The following UBA5 variants were observed in gnomAD, a reference collection of about 807,000 sequenced individuals.
UBA5 encodes the protein ubiquitin like modifier activating enzyme 5.
In UBA5, 28 loss-of-function variants were observed where a neutral mutation model predicts 52.9. The observed-to-expected ratio is 0.53, with a 90% CI of 0.39 to 0.73. The LOEUF is 0.73. Ranked by LOEUF, UBA5 falls within the 30% of genes least tolerant of loss-of-function variation. The pLI, the probability that UBA5 is intolerant of heterozygous loss-of-function variation, is 0.00. For missense variants in UBA5, 388 were observed against 492.7 expected (o/e 0.79, Z 2.01); for synonymous variants, 135 against 162.1 (o/e 0.83, Z 1.27).
At chr3:132,663,944 T>C (rs1327691144) in intron 1 of UBA5, among the ~76,000 whole-genome samples, 1 of 152,094 alleles carries the variant, frequency 6.6e-6, no homozygotes, top group Non-Finnish European at 1.5e-5. Flanking sequence ...AAAATCTTAA[T>C]AGAAGTGTTG....
At chr3:132,661,074 T>A (rs1481301356) in intron 1 of UBA5, 5 of 1,316,724 alleles carry the variant, frequency 3.8e-6, no homozygotes, top group Non-Finnish European at 5.0e-6. Flanking sequence ...CATTAAAGGC[T>A]TATCAATGCA....
In UBA5 at chr3:132,675,680, G is replaced by A. The variant is rs780197321; in HGVS notation, c.1024G>A (p.Gly342Ser). 2 of 1,603,968 alleles carry A rather than the reference G, an allele frequency of 1.2e-6. No individual in the cohort carries two copies. The highest frequency in any genetic ancestry group is 1.3e-5 in the African/African-American group (1 of 74,620). ...EEIIHEDNEW[G>S]IELVSEVSEE... is the part of the protein sequence containing the mutation. ...GATAATCCATGAAGATAATGAATGG[G>A]GTAGGTATTCTTTTATAAATTGAAA... is the stretch of plus-strand genomic sequence containing the variant. Residue 342 changes from glycine to serine, a missense_variant and splice_region_variant, in exon 10 of 12, where the codon GGT becomes AGT. Gly to Ser is a moderately conservative substitution (Grantham distance 56). This residue lies in a region of UBA5 where 277 missense variants were observed against 326.4 expected (regional missense o/e 0.85). Coordinates refer to ENST00000356232, the MANE Select transcript of UBA5 (RefSeq NM_024818.6).
rs1444209036 is a variant in UBA5, at chr3:132,660,621, G to A, written c.84G>A (p.Pro28=). The change falls in exon 1 of 12, where the codon CCG becomes CCA. Residue 28 remains proline (P), a synonymous_variant. Transcript: ENST00000356232. The surrounding 1 kb of genome is among the most constrained non-coding windows in gnomAD (Gnocchi z 4.1). ...ELAQERSLQV[P]RSGDGGGGRV... ...CCCAGGAGAGGAGTCTGCAGGTCCC[G>A]AGGAGCGGCGACGGAGGGGGCGGCC... 2 of 1,562,288 alleles carry A rather than the reference G, an allele frequency of 1.3e-6. No individual in the cohort carries two copies. The highest frequency in any genetic ancestry group is 2.7e-5 in the African/African-American group (2 of 73,592).
At chr3:132,671,938 G>A (rs1258132484) in intron 7 of UBA5, 57 bp downstream of exon 7, 6 of 1,598,116 alleles carry the variant, frequency 3.8e-6, no homozygotes, top group African/African-American at 2.7e-5. Context: ...GTTCTTAGGG[G>A]CATTGAAAAT....
At chr3:132,659,908 A>T, upstream of UBA5, 1 of 840,314 alleles carries the variant, frequency 1.2e-6, no homozygotes, top group Non-Finnish European at 1.7e-6. Flanking sequence ...TTGCTGAGCA[A>T]CGCTTGCCCG....
Position 132,672,101 on chromosome 3 carries a change from C to T in UBA5, c.736C>T (p.Arg246Ter), listed in dbSNP as rs540839115. ...AAATATTGATGAAAAGACTCTGAAA[C>T]GAGAAGGTGTTTGTGCAGCCAGTCT... ...AANIDEKTLKREGVCAASLPT... is the reference protein window; with the variant it reads ...AANIDEKTLK Residue 246 changes from arginine (R) to a stop codon, truncating the protein, a stop_gained, in exon 8 of 12, where the codon CGA becomes TGA. Coordinates refer to ENST00000356232, the MANE Select transcript of UBA5 (RefSeq NM_024818.6). LOFTEE classifies it high-confidence loss of function. The T allele has an allele frequency of 3.1e-6, 5 of 1,613,832 alleles. No individual in the cohort carries two copies. Among genetic ancestry groups the T allele is most frequent in the East Asian group, 4.5e-5 (2 of 44,856 alleles).
chr3:132,661,389 T>C (rs1938155255), intron 1 of UBA5, among the ~76,000 whole-genome samples: 1 of 152,234 alleles, frequency 6.6e-6, no homozygotes, highest in Non-Finnish European at 1.5e-5. Flanking sequence ...TAGTAATATC[T>C]ATCTCTGTCA....
rs1938916760 is a variant in UBA5, at chr3:132,678,257, G to A, written c.*1731G>A. On this transcript the variant is annotated 3_prime_UTR_variant, in exon 12 of 12. Transcript: ENST00000356232. ...GATTATTTAACCAGAAAAAAAATCTGGTAATAGAGATGTTGCTATCCTAGA... is the reference window on the plus strand; with the variant it reads ...GATTATTTAACCAGAAAAAAAATCTAGTAATAGAGATGTTGCTATCCTAGA... 6.6e-6 allele frequency among the ~76,000 whole-genome samples: 1 copy of A among 151,996 alleles called. No homozygotes were observed. The highest frequency in any genetic ancestry group is 2.4e-5 in the African/African-American group (1 of 41,376).
chr3:132,659,595 A>G (rs774782762), upstream of UBA5: 1 of 1,610,266 alleles, frequency 6.2e-7, no homozygotes. Context: ...AAAGGCTGAC[A>G]TCCATACCTG....
chr3:132,663,282 C>T (rs940987395), intron 1 of UBA5, among the ~76,000 whole-genome samples: 21 of 152,094 alleles, frequency 1.4e-4, no homozygotes, highest in African/African-American at 3.9e-4. Flanking sequence ...AGCCCCAGAT[C>T]CCCTACTCCA....
Position 132,660,645 on chromosome 3 carries a change from C to T in UBA5, c.108C>T (p.Gly36=), listed in dbSNP as rs1440064655. ...CGAGGAGCGGCGACGGAGGGGGCGGCCGGGTCCGCATCGAGAAGATGAGCT... is the reference window on the plus strand; with the variant it reads ...CGAGGAGCGGCGACGGAGGGGGCGGTCGGGTCCGCATCGAGAAGATGAGCT... ...QVPRSGDGGG[G]RVRIEKMSSE... is the part of the protein sequence containing the mutation. Residue 36 remains glycine, a synonymous_variant, in exon 1 of 12, where the codon GGC becomes GGT. Coordinates refer to ENST00000356232, the MANE Select transcript of UBA5 (RefSeq NM_024818.6). The surrounding 1 kb of genome is among the most constrained non-coding windows in gnomAD (Gnocchi z 4.1). The T allele has an allele frequency of 1.3e-6, 2 of 1,571,448 alleles. No homozygotes were observed. Among genetic ancestry groups the T allele is most frequent in the South Asian group, 1.2e-5 (1 of 85,330 alleles).
chr3:132,664,776 G>A (rs1203565326), intron 1 of UBA5, among the ~76,000 whole-genome samples: 1 of 152,124 alleles, frequency 6.6e-6, no homozygotes, highest in African/African-American at 2.4e-5. Context: ...GAAGAGCCTA[G>A]GAAGGGAGCT....
At chr3:132,654,785 T>A (rs1252534536) in intron 1 of UBA5, 1 of 152,170 alleles carries the variant, frequency 6.6e-6, no homozygotes, top group Non-Finnish European at 1.5e-5. Flanking sequence ...TTGGATAGAG[T>A]TACATGATTG....
chr3:132,660,780 C>G lies in UBA5; in HGVS notation c.161+82C>G. ...GTCAGAAGTGAGGCGCTTCCCACGT[C>G]CCGCTCATGGGGACGCCCGCCACCC... On this transcript the variant is annotated intron_variant, in intron 1 of 11. Coordinates refer to ENST00000356232, the MANE Select transcript of UBA5 (RefSeq NM_024818.6). The surrounding 1 kb of genome is among the most constrained non-coding windows in gnomAD (Gnocchi z 4.1). The G allele has an allele frequency of 1.4e-6, 2 of 1,452,428 alleles. No homozygotes were observed. Among genetic ancestry groups the G allele is most frequent in the Admixed American group, 2.8e-5 (1 of 35,990 alleles). The allele number at this position is 1,452,428 out of a possible 1,614,324, so 90.0% of individuals were successfully genotyped here. A position where few individuals can be genotyped will look rare whatever the true frequency, so the allele number is the denominator to read the frequency against.
chr3:132,660,795 G>A lies in UBA5; in HGVS notation c.161+97G>A. On this transcript the variant is annotated intron_variant, in intron 1 of 11. Transcript: ENST00000356232. The surrounding 1 kb of genome is among the most constrained non-coding windows in gnomAD (Gnocchi z 4.1). ...CTTCCCACGTCCCGCTCATGGGGAC[G>A]CCCGCCACCCTTTTCTTGGTCTGCG... is the stretch of plus-strand genomic sequence containing the variant. 1.4e-6 allele frequency: 2 copies of A among 1,446,270 alleles called. No homozygotes were observed. The highest frequency in any genetic ancestry group is 1.5e-5 in the South Asian group (1 of 68,200). The allele number at this position is 1,446,270 out of a possible 1,614,324, so 89.6% of individuals were successfully genotyped here.
chr3:132,665,984 A>T lies in UBA5; in HGVS notation c.208A>T (p.Lys70Ter). The stretch of plus-strand genomic sequence containing the variant: ...ACATATACTATTTTATATTTCACAG[A>T]AAATCCGTACCTTTGCCGTAGCAAT... Reference protein sequence around the residue: ...KRMGIVSDYEKIRTFAVAIVG... With the variant: ...KRMGIVSDYE Residue 70 changes from lysine (K) to a stop codon, truncating the protein, a stop_gained and splice_region_variant, in exon 3 of 12, where the codon AAA (lysine) becomes TAA (stop). Coordinates refer to ENST00000356232, the MANE Select transcript of UBA5 (RefSeq NM_024818.6). LOFTEE classifies it high-confidence loss of function. 1 of 1,613,504 alleles carries T rather than the reference A, an allele frequency of 6.2e-7. No homozygotes were observed. Among genetic ancestry groups the T allele is most frequent in the South Asian group, 1.1e-5 (1 of 91,064 alleles).
intron 8 of UBA5, among the ~76,000 whole-genome samples, chr3:132,673,419 C>G (rs1938690768): frequency 6.6e-6 from 1 of 152,122 alleles, no homozygotes; most frequent in Admixed American, 6.5e-5. Flanking sequence ...TCAGTCATGG[C>G]TCACTGCAGC....
upstream of UBA5, among the ~76,000 whole-genome samples, chr3:132,657,334 T>A (rs1937862144): frequency 6.6e-6 from 1 of 152,238 alleles, no homozygotes; most frequent in Non-Finnish European, 1.5e-5. Context: ...TTTATTGGTC[T>A]GTCTATCTCT....
In UBA5 at chr3:132,672,080, A is replaced by T. The variant is rs1938630398; in HGVS notation, c.715A>T (p.Ile239Phe). 6.2e-7 allele frequency: 1 copy of T among 1,613,834 alleles called. No homozygotes were observed. ...CAPPLVVAAN[I>F]DEKTLKREGV... Reference sequence around the variant, plus strand: ...TCCACCACTTGTAGTTGCTGCAAATATTGATGAAAAGACTCTGAAACGAGA... The same window carrying T: ...TCCACCACTTGTAGTTGCTGCAAATTTTGATGAAAAGACTCTGAAACGAGA... The change falls in exon 8 of 12, where the codon ATT becomes TTT. Residue 239 changes from isoleucine to phenylalanine, a missense_variant. By Grantham distance (21) the Ile-to-Phe change is conservative. Transcript: ENST00000356232.
Sources: gnomAD v4.1 joint callset for allele counts (sites outside exome capture counted in the v4.1 genomes callset) on GRCh38, gnomAD v4.1.1 for gene constraint, gnomAD v4.1.1 regional missense constraint, Gnocchi (gnomAD v3.1) non-coding constraint, MANE v1.5 for transcripts, NCBI Gene and HGNC (gene_info 2026-07-23, HGNC 2026-07-21) for gene names.